Variants in TMEM221 observed in about 807,000 individuals in gnomAD.
TMEM221 encodes transmembrane protein 221.
TMEM221 carries 11 observed loss-of-function variants against 10.2 expected under a neutral mutation model. The observed-to-expected ratio is 1.08, with a 90% CI of 0.68 to 1.79. TMEM221 has a LOEUF of 1.79. TMEM221 is among the 40% of genes most tolerant of loss of function. The probability of loss-of-function intolerance (pLI) is 0.00; values close to 1 mark genes in which losing one functional copy is unlikely to be tolerated. For missense variants in TMEM221, 382 were observed against 417.7 expected, an observed-to-expected ratio of 0.91 and a Z score of 0.75; for synonymous variants, 172 against 199.8, an observed-to-expected ratio of 0.86 and a Z score of 1.18.
chr19:17,436,162 A>C lies in TMEM221; in HGVS notation c.*296T>G. The C allele has an allele frequency of 3.5e-6, 1 of 287,028 alleles. No homozygotes were observed. Among genetic ancestry groups the C allele is most frequent in the African/African-American group, 2.2e-5 (1 of 45,934 alleles). The allele number at this position is 287,028 out of a possible 1,614,324, so 17.8% of individuals were successfully genotyped here. Reference sequence around the variant, plus strand: ...TTCCCAGCCTCCCCTGCAGCAAGGTATGGCCATTTCGCTCTGTTCTGGCCA... The same window carrying C: ...TTCCCAGCCTCCCCTGCAGCAAGGTCTGGCCATTTCGCTCTGTTCTGGCCA... On this transcript the variant is annotated 3_prime_UTR_variant, in exon 3 of 3. Transcript: ENST00000341130.
intron 2 of TMEM221, among the ~76,000 whole-genome samples, chr19:17,438,929 C>T (rs1440323732): frequency 6.8e-6 from 1 of 147,478 alleles, no homozygotes; most frequent in Non-Finnish European, 1.5e-5. Flanking sequence ...CCTCCCTTGC[C>T]GGGCACGGTG....
At chr19:17,447,528 T>G (rs1182728951) in intron 1 of TMEM221, among the ~76,000 whole-genome samples, 4 of 151,746 alleles carry the variant, frequency 2.6e-5, no homozygotes, top group Non-Finnish European at 4.4e-5. Flanking sequence ...ATGGTGGGAG[T>G]TCTCATCTGC....
intron 2 of TMEM221, among the ~76,000 whole-genome samples, chr19:17,444,427 T>C (rs1162199189): frequency 6.6e-6 from 1 of 150,910 alleles, no homozygotes; most frequent in Non-Finnish European, 1.5e-5. Flanking sequence ...AAATTTTTGT[T>C]CAAACAAATT....
chr19:17,441,717 C>CT lies in TMEM221; in HGVS notation c.406+3481dup, dbSNP rs374364884. On this transcript the variant is annotated intron_variant, in intron 2 of 2. Coordinates refer to ENST00000341130, the MANE Select transcript of TMEM221 (RefSeq NM_001190844.2). ...AGAGGGGCCCAGAACACATGGGGGA[C>CT]TTTTTTTTTTGGCACTTTCCAGGCT... Among the ~76,000 whole-genome samples the CT allele has an allele frequency of 2.5e-3, 372 of 146,754 alleles. 4 individuals carry two copies. The highest frequency in any genetic ancestry group is 8.2e-3 in the African/African-American group (326 of 39,996).
chr19:17,441,286 G>A (rs2074930936), intron 2 of TMEM221, among the ~76,000 whole-genome samples: 1 of 151,516 alleles, frequency 6.6e-6, no homozygotes, highest in African/African-American at 2.4e-5. Flanking sequence ...CCAGCATACA[G>A]TTGGCACCAT....
At chr19:17,437,923 C>CTT (rs71336612) in intron 2 of TMEM221, among the ~76,000 whole-genome samples, 2 of 85,052 alleles carry the variant, frequency 2.4e-5, no homozygotes, top group African/African-American at 3.6e-5. Context: ...TCTTGTTCTT[C>CTT]TTTTTTTTTT....
intron 2 of TMEM221, among the ~76,000 whole-genome samples, chr19:17,442,243 TTTATTA>T (rs915340974): frequency 1.3e-5 from 2 of 151,490 alleles, no homozygotes; most frequent in East Asian, 1.9e-4. Flanking sequence ...TCTTTTTTCT[TTTATTA>T]TTATTATTAT....
Position 17,448,483 on chromosome 19 carries a change from G to T in TMEM221, c.-21C>A. On this transcript the variant is annotated 5_prime_UTR_variant, in exon 1 of 3. Coordinates refer to ENST00000341130, the MANE Select transcript of TMEM221 (RefSeq NM_001190844.2). This position sits in a 1 kb window ranked among gnomAD's most constrained non-coding sequence, Gnocchi z 4.7. ...GCCATGGCGGGGGTTCCTGCGGGCC[G>T]GGGGAAGAGTTGAGGAATTGAAGTG... 6.9e-7 allele frequency: 1 copy of T among 1,452,170 alleles called. No individual in the cohort carries two copies. Among genetic ancestry groups the T allele is most frequent in the South Asian group, 1.3e-5 (1 of 76,442 alleles). The allele number at this position is 1,452,170 out of a possible 1,614,324, so 90.0% of individuals were successfully genotyped here.
At chr19:17,439,228 C>T (rs1015310790) in intron 2 of TMEM221, among the ~76,000 whole-genome samples, 3 of 150,462 alleles carry the variant, frequency 2.0e-5, no homozygotes, top group Non-Finnish European at 4.4e-5. Flanking sequence ...AAAAGCCTCC[C>T]TGTTGGTGGA....
At chr19:17,445,746 A>C in intron 1 of TMEM221, among the ~76,000 whole-genome samples, 1 of 144,892 alleles carries the variant, frequency 6.9e-6, no homozygotes, top group African/African-American at 2.7e-5. Context: ...ATCCATCCAT[A>C]CTTCCACTCA....
At chr19:17,446,850 G>A (rs1182973679) in intron 1 of TMEM221, among the ~76,000 whole-genome samples, 1 of 152,072 alleles carries the variant, frequency 6.6e-6, no homozygotes, top group Non-Finnish European at 1.5e-5. Context: ...TCTTGCCTCA[G>A]CCTCTTAAGT....
chr19:17,445,539 C>T (rs2074949523), intron 1 of TMEM221, among the ~76,000 whole-genome samples: 4 of 152,138 alleles, frequency 2.6e-5, no homozygotes, highest in Admixed American at 2.6e-4. Context: ...TCCATCTATC[C>T]ACCCATTTAT....
intron 1 of TMEM221, among the ~76,000 whole-genome samples, chr19:17,446,650 A>G (rs73018486): frequency 0.16 from 24,257 of 152,022 alleles, 2,172 homozygotes; most frequent in Non-Finnish European, 0.2. Context: ...AGCAGAAGAA[A>G]TCCCAAAGTC....
At chr19:17,439,296 A>G (rs932632350) in intron 2 of TMEM221, among the ~76,000 whole-genome samples, 1 of 151,998 alleles carries the variant, frequency 6.6e-6, no homozygotes, top group Admixed American at 6.6e-5. Flanking sequence ...GCTCCATTCT[A>G]CAATGTGGAT....
At chr19:17,440,460 C>T (rs1434848719) in intron 2 of TMEM221, among the ~76,000 whole-genome samples, 2 of 152,038 alleles carry the variant, frequency 1.3e-5, no homozygotes, top group African/African-American at 4.8e-5. Context: ...CTCCTGACCT[C>T]GTGATCTGCC....
intron 2 of TMEM221, among the ~76,000 whole-genome samples, chr19:17,443,097 C>T (rs1303814337): frequency 7.3e-5 from 11 of 151,554 alleles, no homozygotes; most frequent in African/African-American, 2.2e-4. Flanking sequence ...CTGGCTAACA[C>T]GGTGAAACCC....
chr19:17,439,286 G>A (rs921278088), intron 2 of TMEM221, among the ~76,000 whole-genome samples: 8 of 151,610 alleles, frequency 5.3e-5, no homozygotes, highest in East Asian at 1.9e-4. Context: ...ATGAGGCACC[G>A]CTCCATTCTA....
At position 17,435,926 on chromosome 19, in the gene TMEM221, C is replaced by G. The variant is rs1178802698; in HGVS notation, c.*532G>C. The stretch of plus-strand genomic sequence containing the variant: ...TGGATTTTGCAGAGTCTGAGACTTG[C>G]ACATCAGCAGCATGGAGATTATGGG... On this transcript the variant is annotated 3_prime_UTR_variant, in exon 3 of 3. Coordinates refer to ENST00000341130, the MANE Select transcript of TMEM221 (RefSeq NM_001190844.2). 6.6e-6 allele frequency: 1 copy of G among 152,540 alleles called. No individual in the cohort carries two copies. Among genetic ancestry groups the G allele is most frequent in the African/African-American group, 2.4e-5 (1 of 41,446 alleles). 9.4% of individuals were successfully genotyped at this position (152,540 alleles called of 1,614,324 possible).
Position 17,436,719 on chromosome 19 carries a change from G to T in TMEM221, c.615C>A (p.Ser205Arg). 1 of 1,532,108 alleles carries T rather than the reference G, an allele frequency of 6.5e-7. No individual in the cohort carries two copies. Among genetic ancestry groups the T allele is most frequent in the Non-Finnish European group, 8.7e-7 (1 of 1,144,298 alleles). 94.9% of individuals were successfully genotyped at this position (1,532,108 alleles called of 1,614,324 possible). A position where few individuals can be genotyped will look rare whatever the true frequency, so the allele number is the denominator to read the frequency against. Reference sequence around the variant, plus strand: ...TACCCTGCTGAGGCTGAGCTCTGGGGCTGGCCTTGGAGACTTCGGCAGGGC... The same window carrying T: ...TACCCTGCTGAGGCTGAGCTCTGGGTCTGGCCTTGGAGACTTCGGCAGGGC... ...LARPAEVSKA[S>R]PRAQPQQGIH... The change falls in exon 3 of 3, where the codon AGC becomes AGA. Residue 205 changes from serine (S) to arginine (R), a missense_variant. Physicochemically the swap from Ser to Arg is moderately radical, Grantham distance 110. Coordinates refer to ENST00000341130, the MANE Select transcript of TMEM221 (RefSeq NM_001190844.2).
Sources: gnomAD v4.1 joint callset for allele counts (sites outside exome capture counted in the v4.1 genomes callset) on GRCh38, gnomAD v4.1.1 for gene constraint, Gnocchi (gnomAD v3.1) non-coding constraint, MANE v1.5 for transcripts, NCBI Gene and HGNC (gene_info 2026-07-23, HGNC 2026-07-21) for gene names.